The following BCL7A variants were observed in gnomAD, a reference collection of about 807,000 sequenced individuals.
BCL7A encodes the protein BAF chromatin remodeling complex subunit BCL7A, also known as B-cell CLL/lymphoma 7 protein family member A.
BCL7A carries 11 observed loss-of-function variants against 28.4 expected under a neutral mutation model. The ratio of observed to expected loss-of-function variants is 0.39; its 90% CI spans 0.24 to 0.64. BCL7A has a LOEUF of 0.64. BCL7A is among the 30% of genes least tolerant of loss of function. BCL7A has a pLI of 0.50. For missense variants in BCL7A, 222 were observed against 274.8 expected, an observed-to-expected ratio of 0.81 and a Z score of 1.36; for synonymous variants, 123 against 103.3, an observed-to-expected ratio of 1.19 and a Z score of -1.15.
chr12:122,024,555 G>A lies in BCL7A; in HGVS notation c.92+2372G>A, dbSNP rs12367707. On this transcript the variant is annotated intron_variant, in intron 1 of 5. Transcript: ENST00000261822. The stretch of plus-strand genomic sequence containing the variant: ...TGAGAAGCCATATCTCACCTTCCCC[G>A]CGCCTTCGGATTGGGTCTTAGACTC... Among the ~76,000 whole-genome samples the A allele has an allele frequency of 4.8e-3, 704 of 146,408 alleles. 2 individuals are homozygous for A. The highest frequency in any genetic ancestry group is 7.8e-3 in the Non-Finnish European group (523 of 67,246).
chr12:122,021,997 T>C lies in BCL7A; in HGVS notation c.-95T>C, dbSNP rs1883469187. ...GAGAGTGCGAGTGTCTGTGCGCGAGTGAGTGAGCGGCGGGCGGGCGCGAGT... is the reference window on the plus strand; with the variant it reads ...GAGAGTGCGAGTGTCTGTGCGCGAGCGAGTGAGCGGCGGGCGGGCGCGAGT... On this transcript the variant is annotated 5_prime_UTR_variant, in exon 1 of 6. Coordinates refer to ENST00000261822, the MANE Select transcript of BCL7A (RefSeq NM_001024808.3). The C allele has an allele frequency of 9.3e-6, 9 of 965,830 alleles. No individual in the cohort carries two copies. Among genetic ancestry groups the C allele is most frequent in the Non-Finnish European group, 1.4e-5 (9 of 651,804 alleles). 59.8% of individuals were successfully genotyped at this position (965,830 alleles called of 1,614,324 possible). A position where few individuals can be genotyped will look rare whatever the true frequency, so the allele number is the denominator to read the frequency against.
chr12:122,044,240 G>A (rs544588195), intron 4 of BCL7A, 187 bp downstream of exon 4: 13 of 668,096 alleles, frequency 1.9e-5, no homozygotes, highest in Non-Finnish European at 3.2e-5. Flanking sequence ...CAGGTGCAGT[G>A]GCTCATGCCT....
chr12:122,060,780 G>A lies in BCL7A; in HGVS notation c.*1617G>A, dbSNP rs1355614640. ...TTCCATTTTCTAAGAGTTTCTGAGG[G>A]TGAGGCTCTTATTTTTTTTTTTAAG... On this transcript the variant is annotated 3_prime_UTR_variant, in exon 6 of 6. Coordinates refer to ENST00000261822, the MANE Select transcript of BCL7A (RefSeq NM_001024808.3). 1 of 229,744 alleles carries A rather than the reference G, an allele frequency of 4.4e-6. No homozygotes were observed. The highest frequency in any genetic ancestry group is 5.7e-5 in the Admixed American group (1 of 17,620). 14.2% of individuals were successfully genotyped at this position (229,744 alleles called of 1,614,324 possible).
At chr12:122,036,070 G>A (rs939471463) in intron 3 of BCL7A, among the ~76,000 whole-genome samples, 17 of 151,988 alleles carry the variant, frequency 1.1e-4, no homozygotes, top group Non-Finnish European at 1.3e-4. Flanking sequence ...CAAACTCCTC[G>A]CCTCAAGTGA....
At position 122,044,051 on chromosome 12, in the gene BCL7A, A is replaced by G. The variant is rs1884019132; in HGVS notation, c.437A>G (p.Glu146Gly). Residue 146 changes from glutamate to glycine, a missense_variant and splice_region_variant, in exon 4 of 6, where the codon GAA (glutamate) becomes GGA (glycine). Glu to Gly is a moderately conservative substitution (Grantham distance 98). This residue lies in a region of BCL7A where 155 missense variants were observed against 145.7 expected (regional missense o/e 1.06). Transcript: ENST00000261822. ...QADGKEHPGA[E>G]DASDEQNSQS... Reference sequence around the variant, plus strand: ...GATGGGAAGGAGCACCCAGGAGCTGAAGGTATGTGGCCTCTGGAGGTGGGG... The same window carrying G: ...GATGGGAAGGAGCACCCAGGAGCTGGAGGTATGTGGCCTCTGGAGGTGGGG... The G allele has an allele frequency of 1.9e-6, 3 of 1,612,898 alleles. No individual in the cohort carries two copies. The highest frequency in any genetic ancestry group is 8.5e-7 in the Non-Finnish European group (1 of 1,179,504).
Position 122,061,487 on chromosome 12 carries a change from C to T in BCL7A, c.*2324C>T. 4.3e-6 allele frequency: 1 copy of T among 232,630 alleles called. No individual in the cohort carries two copies. The highest frequency in any genetic ancestry group is 6.1e-5 in the East Asian group (1 of 16,490). 14.4% of individuals were successfully genotyped at this position (232,630 alleles called of 1,614,324 possible). The stretch of plus-strand genomic sequence containing the variant: ...ACGCTGGCCAAGAAGGCCTTCCACG[C>T]AGAATGACAAGACTGCAAAAATCCG... On this transcript the variant is annotated 3_prime_UTR_variant, in exon 6 of 6. Coordinates refer to ENST00000261822, the MANE Select transcript of BCL7A (RefSeq NM_001024808.3).
rs996645007 is a variant in BCL7A at position 122,060,296 on chromosome 12, G to A, written c.*1133G>A. 1.3e-5 allele frequency: 3 copies of A among 233,060 alleles called. No individual in the cohort carries two copies. The highest frequency in any genetic ancestry group is 1.7e-5 in the Non-Finnish European group (2 of 117,662). The allele number at this position is 233,060 out of a possible 1,614,324, so 14.4% of individuals were successfully genotyped here. A position where few individuals can be genotyped will look rare whatever the true frequency, so the allele number is the denominator to read the frequency against. On this transcript the variant is annotated 3_prime_UTR_variant, in exon 6 of 6. Coordinates refer to ENST00000261822, the MANE Select transcript of BCL7A (RefSeq NM_001024808.3). Reference sequence around the variant, plus strand: ...AGGCTGTTCTGACTCTGAGCCAACAGCTGGACCGTGTCTCATCCCCAGAAC... The same window carrying A: ...AGGCTGTTCTGACTCTGAGCCAACAACTGGACCGTGTCTCATCCCCAGAAC...
chr12:122,055,601 T>A (rs1951873081), intron 5 of BCL7A, among the ~76,000 whole-genome samples: 1 of 152,122 alleles, frequency 6.6e-6, no homozygotes, highest in Non-Finnish European at 1.5e-5. Flanking sequence ...ACTATTAGGA[T>A]TTTTCACTGT....
intron 2 of BCL7A, among the ~76,000 whole-genome samples, chr12:122,031,292 G>A (rs933340521): frequency 6.6e-6 from 1 of 152,136 alleles, no homozygotes; most frequent in African/African-American, 2.4e-5. Context: ...GCCTCCCAAA[G>A]TGCTGGAGTT....
At position 122,060,036 on chromosome 12, in the gene BCL7A, G is replaced by A. The variant is rs1309083028; in HGVS notation, c.*873G>A. 1 of 233,192 alleles carries A rather than the reference G, an allele frequency of 4.3e-6. No individual in the cohort carries two copies. Among genetic ancestry groups the A allele is most frequent in the East Asian group, 6.0e-5 (1 of 16,536 alleles). 14.4% of individuals were successfully genotyped at this position (233,192 alleles called of 1,614,324 possible). The stretch of plus-strand genomic sequence containing the variant: ...CATCACTGCTTTCTCCCAGACCTCC[G>A]AATACGAAATGGCTTCTCTGGCTGA... On this transcript the variant is annotated 3_prime_UTR_variant, in exon 6 of 6. Coordinates refer to ENST00000261822, the MANE Select transcript of BCL7A (RefSeq NM_001024808.3).
Position 122,035,440 on chromosome 12 carries a change from G to GC in BCL7A, c.271+13_271+14insC. 3 of 1,610,508 alleles carry GC rather than the reference G, an allele frequency of 1.9e-6. No homozygotes were observed. Among genetic ancestry groups the GC allele is most frequent in the Non-Finnish European group, 2.5e-6 (3 of 1,176,970 alleles). On this transcript the variant is annotated intron_variant, in intron 3 of 5. Coordinates refer to ENST00000261822, the MANE Select transcript of BCL7A (RefSeq NM_001024808.3). ...ATGGACATGCATGGTGAGTGCCCAT[G>GC]GCCTGCCAGCCTCTCCTGCCCAGCC...
intron 2 of BCL7A, among the ~76,000 whole-genome samples, chr12:122,034,088 G>A (rs546127875): frequency 4.7e-5 from 7 of 149,632 alleles, no homozygotes; most frequent in East Asian, 4.0e-4. Context: ...GACTTCGCTC[G>A]CAAACATGCA....
At chr12:122,027,210 G>A (rs1273203543) in intron 1 of BCL7A, among the ~76,000 whole-genome samples, 1 of 152,254 alleles carries the variant, frequency 6.6e-6, no homozygotes, top group Admixed American at 6.5e-5. Context: ...CCTGGGGCAT[G>A]TGGGCCCAGG....
chr12:122,046,630 T>C (rs960863885), intron 4 of BCL7A, among the ~76,000 whole-genome samples: 1 of 152,216 alleles, frequency 6.6e-6, no homozygotes, highest in Admixed American at 6.5e-5. Flanking sequence ...AATCTGGCTA[T>C]ACAGAACCCT....
At chr12:122,022,905 CG>C (rs1287679254) in intron 1 of BCL7A, among the ~76,000 whole-genome samples, 1 of 151,492 alleles carries the variant, frequency 6.6e-6, no homozygotes, top group Middle Eastern at 3.2e-3. Context: ...GCGCCCCGGG[CG>C]GGGGGCTCGG....
At position 122,021,984 on chromosome 12, in the gene BCL7A, G is replaced by A. The variant is rs1011181726; in HGVS notation, c.-108G>A. ...AGTGTGTGCGTGTGAGAGTGCGAGTGTCTGTGCGCGAGTGAGTGAGCGGCG... is the reference window on the plus strand; with the variant it reads ...AGTGTGTGCGTGTGAGAGTGCGAGTATCTGTGCGCGAGTGAGTGAGCGGCG... On this transcript the variant is annotated 5_prime_UTR_variant, in exon 1 of 6. Transcript: ENST00000261822. 1.2e-6 allele frequency: 1 copy of A among 811,700 alleles called. No homozygotes were observed. Among genetic ancestry groups the A allele is most frequent in the Admixed American group, 2.3e-5 (1 of 43,458 alleles). The allele number at this position is 811,700 out of a possible 1,614,324, so 50.3% of individuals were successfully genotyped here. A position where few individuals can be genotyped will look rare whatever the true frequency, so the allele number is the denominator to read the frequency against.
chr12:122,023,577 G>T (rs1883528700), intron 1 of BCL7A, among the ~76,000 whole-genome samples: 1 of 152,238 alleles, frequency 6.6e-6, no homozygotes, highest in Admixed American at 6.5e-5. Flanking sequence ...GCGATGGCCG[G>T]ATGCCCGGCC....
intron 1 of BCL7A, among the ~76,000 whole-genome samples, 200 bp downstream of exon 1, chr12:122,022,383 T>A (rs2135833085): frequency 7.1e-6 from 1 of 141,380 alleles, no homozygotes; most frequent in South Asian, 2.3e-4. Context: ...CCGCGGCCGC[T>A]GCCCAGGTGC....
At chr12:122,042,629 G>A (rs1484012097) in intron 3 of BCL7A, among the ~76,000 whole-genome samples, 1 of 145,752 alleles carries the variant, frequency 6.9e-6, no homozygotes, top group Admixed American at 7.0e-5. Flanking sequence ...CAATTTGGGC[G>A]ACAGAGCAAG....
Sources: gnomAD v4.1 joint callset for allele counts (sites outside exome capture counted in the v4.1 genomes callset) on GRCh38, gnomAD v4.1.1 for gene constraint, gnomAD v4.1.1 regional missense constraint, MANE v1.5 for transcripts, NCBI Gene and HGNC (gene_info 2026-07-23, HGNC 2026-07-21) for gene names.